Variants in ZBTB7C observed in about 807,000 individuals in gnomAD.
ZBTB7C encodes the protein zinc finger and BTB domain-containing protein 7C.
In ZBTB7C, 8 loss-of-function variants were observed where a neutral mutation model predicts 25.7. That is an observed-to-expected ratio of 0.31 (90% CI 0.18 to 0.56). ZBTB7C has a LOEUF of 0.56. Among genes scored for constraint, ZBTB7C ranks in the 20% least tolerant of loss-of-function variants. ZBTB7C has a pLI of 0.91. For synonymous variants in ZBTB7C, 394 were observed against 369.0 expected, an observed-to-expected ratio of 1.07 and a Z score of -0.78; for missense variants, 824 against 855.2, an observed-to-expected ratio of 0.96 and a Z score of 0.46.
At chr18:48,315,933 G>A (rs756552891) in intron 2 of ZBTB7C, among the ~76,000 whole-genome samples, 116 of 152,038 alleles carry the variant, frequency 7.6e-4, no homozygotes, top group African/African-American at 8.2e-4. Context: ...CACGGGAAGC[G>A]CCCAGCCCCC....
At chr18:48,184,483 T>C (rs779696790) in intron 3 of ZBTB7C, among the ~76,000 whole-genome samples, 7 of 152,146 alleles carry the variant, frequency 4.6e-5, no homozygotes, top group Non-Finnish European at 7.4e-5. Flanking sequence ...GATAGAGCCT[T>C]TGTAAAGCAC....
chr18:48,311,533 G>A (rs1962247066), intron 2 of ZBTB7C, among the ~76,000 whole-genome samples: 1 of 147,418 alleles, frequency 6.8e-6, no homozygotes, highest in African/African-American at 2.6e-5. Flanking sequence ...AAGACGCCAG[G>A]GATGCTGCTC....
Position 48,204,626 on chromosome 18 carries a change from G to A in ZBTB7C, c.-78-18631C>T, listed in dbSNP as rs749204224. Among the ~76,000 whole-genome samples the A allele has an allele frequency of 3.9e-4, 59 of 152,124 alleles. 1 individual carries two copies. Among genetic ancestry groups the A allele is most frequent in the Non-Finnish European group, 6.9e-4 (47 of 68,036 alleles). On this transcript the variant is annotated intron_variant, in intron 2 of 4. Coordinates refer to ENST00000590800, the MANE Select transcript of ZBTB7C (RefSeq NM_001318841.2). The stretch of plus-strand genomic sequence containing the variant: ...CCTTATCTACAGCAACATTCCTAAA[G>A]ACAAGACCATGCCTCTTGAGGACCA...
intron 2 of ZBTB7C, among the ~76,000 whole-genome samples, chr18:48,200,583 A>C (rs1222250445): frequency 6.6e-6 from 1 of 152,168 alleles, no homozygotes; most frequent in Non-Finnish European, 1.5e-5. Flanking sequence ...ATAATATGAA[A>C]ATCCACCTAG....
chr18:48,144,805 T>C (rs1044704897), intron 3 of ZBTB7C, among the ~76,000 whole-genome samples: 1 of 152,226 alleles, frequency 6.6e-6, no homozygotes, highest in African/African-American at 2.4e-5. Flanking sequence ...CTACTCCTGA[T>C]GAAACCCAGT....
intron 2 of ZBTB7C, among the ~76,000 whole-genome samples, chr18:48,278,064 G>A (rs2044719695): frequency 1.3e-5 from 2 of 152,100 alleles, no homozygotes; most frequent in African/African-American, 4.8e-5. Context: ...CTATCAAAAG[G>A]TGGGTTATGT....
At chr18:48,194,743 G>A (rs1367255711) in intron 2 of ZBTB7C, among the ~76,000 whole-genome samples, 1 of 152,154 alleles carries the variant, frequency 6.6e-6, no homozygotes, top group Non-Finnish European at 1.5e-5. Flanking sequence ...AGCCAGGAGG[G>A]CAGCTGAGGA....
intron 2 of ZBTB7C, among the ~76,000 whole-genome samples, chr18:48,217,287 T>C (rs2042846502): frequency 1.3e-5 from 2 of 152,132 alleles, no homozygotes; most frequent in South Asian, 4.1e-4. Flanking sequence ...CTGAACTCTC[T>C]GCCTTCAAGC....
chr18:48,367,202 T>TATATATATATATATATATACACAC (rs1302394192), intron 1 of ZBTB7C, among the ~76,000 whole-genome samples: 10 of 63,398 alleles, frequency 1.6e-4, no homozygotes, highest in African/African-American at 2.5e-4. Flanking sequence ...TATATATATA[T>TATATATATATATATATATACACAC]ACACACACAC....
At chr18:48,141,987 C>T (rs966364318) in intron 3 of ZBTB7C, among the ~76,000 whole-genome samples, 4 of 152,174 alleles carry the variant, frequency 2.6e-5, no homozygotes, top group Non-Finnish European at 5.9e-5. Context: ...AATGCATTGC[C>T]GTTTAGCATT....
rs567805763 is a variant in ZBTB7C, at chr18:48,293,233, G to C, written c.-79+44941C>G. On this transcript the variant is annotated intron_variant, in intron 2 of 4. Coordinates refer to ENST00000590800, the MANE Select transcript of ZBTB7C (RefSeq NM_001318841.2). Reference sequence around the variant, plus strand: ...AGGATCAAGCTGCTGGCTGATTTCCGTTACTGCTCATGTCCTCACTTGGCC... The same window carrying C: ...AGGATCAAGCTGCTGGCTGATTTCCCTTACTGCTCATGTCCTCACTTGGCC... 2.0e-5 allele frequency among the ~76,000 whole-genome samples: 3 copies of C among 152,308 alleles called. No homozygotes were observed. In the South Asian group the frequency reaches 6.2e-4, roughly 32 times the overall value.
At chr18:48,038,671 G>C (rs1262576768) in intron 4 of ZBTB7C, among the ~76,000 whole-genome samples, 1 of 151,794 alleles carries the variant, frequency 6.6e-6, no homozygotes. Flanking sequence ...AAAAGAATGA[G>C]CTGCCACCAA....
At chr18:48,264,158 G>A (rs2044246249) in intron 2 of ZBTB7C, among the ~76,000 whole-genome samples, 1 of 152,092 alleles carries the variant, frequency 6.6e-6, no homozygotes, top group African/African-American at 2.4e-5. Context: ...CCAGTGCGTG[G>A]GTGACATCTC....
At chr18:48,080,338 G>T (rs1003413464) in intron 3 of ZBTB7C, among the ~76,000 whole-genome samples, 1 of 152,120 alleles carries the variant, frequency 6.6e-6, no homozygotes, top group African/African-American at 2.4e-5. Context: ...ACGGCATTTG[G>T]GTGTTCACTT....
intron 1 of ZBTB7C, among the ~76,000 whole-genome samples, chr18:48,394,056 T>C (rs562904542): frequency 6.6e-6 from 1 of 152,204 alleles, no homozygotes; most frequent in South Asian, 2.1e-4. Flanking sequence ...ATCACAGCCA[T>C]TGCACTTGAA....
intron 2 of ZBTB7C, among the ~76,000 whole-genome samples, chr18:48,233,254 C>G (rs1252355795): frequency 6.6e-6 from 1 of 152,178 alleles, no homozygotes; most frequent in Non-Finnish European, 1.5e-5. Flanking sequence ...CTTCACCCCC[C>G]ACCTTCCTCC....
intron 2 of ZBTB7C, among the ~76,000 whole-genome samples, chr18:48,238,459 GC>G (rs1404729742): frequency 6.6e-6 from 1 of 152,190 alleles, no homozygotes; most frequent in Admixed American, 6.5e-5. Context: ...AAAACTGAGT[GC>G]CCAAAGTGTG....
intron 3 of ZBTB7C, among the ~76,000 whole-genome samples, chr18:48,066,188 C>T (rs1484479139): frequency 1.3e-5 from 2 of 152,216 alleles, no homozygotes; most frequent in Admixed American, 6.5e-5. Flanking sequence ...GGGCTAGTGC[C>T]CACCCTGGCT....
intron 2 of ZBTB7C, among the ~76,000 whole-genome samples, chr18:48,241,618 A>G (rs1203214323): frequency 6.6e-6 from 1 of 152,234 alleles, no homozygotes; most frequent in Non-Finnish European, 1.5e-5. Flanking sequence ...TGGTACAACA[A>G]TGAAATCAAG....
Sources: allele counts gnomAD v4.1 joint callset (sites outside exome capture counted in the v4.1 genomes callset), GRCh38; gene constraint gnomAD v4.1.1; transcripts MANE v1.5; gene names NCBI Gene and HGNC (gene_info 2026-07-23, HGNC 2026-07-21).